Variants in KCNH7 observed in about 807,000 individuals in gnomAD.
KCNH7 encodes the protein potassium voltage-gated channel subfamily H member 7.
KCNH7 carries 49 observed loss-of-function variants against 120.8 expected under a neutral mutation model. The observed-to-expected ratio is 0.41, with a 90% CI of 0.32 to 0.51. KCNH7 has a LOEUF of 0.51. Ranked by LOEUF, KCNH7 falls within the 20% of genes least tolerant of loss-of-function variation. The probability of loss-of-function intolerance (pLI) is 0.38; values close to 1 mark genes in which losing one functional copy is unlikely to be tolerated. For missense variants in KCNH7, 1,097 were observed against 1,446.6 expected, an observed-to-expected ratio of 0.76 and a Z score of 3.92; for synonymous variants, 547 against 516.1, an observed-to-expected ratio of 1.06 and a Z score of -0.81.
At chr2:162,796,384 A>C (rs949301421) in intron 2 of KCNH7, 3 of 152,122 alleles carry the variant, frequency 2.0e-5, no homozygotes, top group African/African-American at 7.2e-5. Context: ...TCCAAGTAAA[A>C]AAAAAACCTG....
intron 2 of KCNH7, among the ~76,000 whole-genome samples, chr2:162,628,083 C>T (rs1172501909): frequency 6.6e-6 from 1 of 152,064 alleles, no homozygotes; most frequent in African/African-American, 2.4e-5. Context: ...AGAATCTTTT[C>T]ATGAGAGTAT....
At chr2:162,457,834 G>A (rs941961357) in intron 6 of KCNH7, among the ~76,000 whole-genome samples, 5 of 151,966 alleles carry the variant, frequency 3.3e-5, no homozygotes, top group African/African-American at 9.7e-5. Context: ...ATATAGCATC[G>A]GGAAGGACTT....
At position 162,777,626 on chromosome 2, in the gene KCNH7, T is replaced by C. The variant is rs138205037; in HGVS notation, c.307+58911A>G. 7.4e-3 allele frequency among the ~76,000 whole-genome samples: 1,122 copies of C among 152,268 alleles called. 22 individuals are homozygous for C. The highest frequency in any genetic ancestry group is 0.026 in the African/African-American group (1,071 of 41,568). On this transcript the variant is annotated intron_variant, in intron 2 of 15. Transcript: ENST00000332142. ...TTTACATATACTCACTGTATTACAG[T>C]ATCTCATTTTATTCTCCTAACAACC... is the stretch of plus-strand genomic sequence containing the variant.
intron 2 of KCNH7, among the ~76,000 whole-genome samples, chr2:162,829,783 A>C (rs888244622): frequency 0.027 from 7 of 264 alleles, no homozygotes; most frequent in Non-Finnish European, 0.026. Context: ...AAGAAAATGA[A>C]AAAAAAAACA....
At chr2:162,710,375 T>A (rs1288611703) in intron 2 of KCNH7, among the ~76,000 whole-genome samples, 2 of 152,190 alleles carry the variant, frequency 1.3e-5, no homozygotes, top group African/African-American at 4.8e-5. Flanking sequence ...CTTCTATTTT[T>A]GTTTCCATTG....
intron 2 of KCNH7, among the ~76,000 whole-genome samples, chr2:162,559,054 C>CAAAAAAAAAAAAAAAAAAAAAA (rs780823559): frequency 2.7e-5 from 1 of 37,178 alleles, no homozygotes. Context: ...GACTCTGCCT[C>CAAAAAAAAAAAAAAAAAAAAAA]AAAAAAAAAA....
chr2:162,797,870 C>T (rs1403753889), intron 2 of KCNH7: 1 of 152,070 alleles, frequency 6.6e-6, no homozygotes, highest in East Asian at 1.9e-4. Context: ...GGCATGAATT[C>T]ATACAAATTA....
intron 2 of KCNH7, among the ~76,000 whole-genome samples, chr2:162,616,115 C>T (rs1209087758): frequency 6.6e-6 from 1 of 152,176 alleles, no homozygotes; most frequent in Non-Finnish European, 1.5e-5. Context: ...TTATGACAGG[C>T]ATGACCCATC....
intron 2 of KCNH7, among the ~76,000 whole-genome samples, chr2:162,816,821 C>T (rs1438992163): frequency 1.3e-5 from 2 of 152,076 alleles, no homozygotes; most frequent in African/African-American, 2.4e-5. Context: ...TCTACTATAT[C>T]AGGATATTTC....
chr2:162,568,291 G>T (rs1472180479), intron 2 of KCNH7, among the ~76,000 whole-genome samples: 1 of 151,988 alleles, frequency 6.6e-6, no homozygotes, highest in Non-Finnish European at 1.5e-5. Flanking sequence ...TTCAAGATGA[G>T]ATTTGGGTAC....
intron 2 of KCNH7, among the ~76,000 whole-genome samples, chr2:162,588,405 T>C (rs1171587914): frequency 6.6e-6 from 1 of 152,140 alleles, no homozygotes; most frequent in Non-Finnish European, 1.5e-5. Context: ...TATTAACTGA[T>C]TAATATATTA....
At chr2:162,565,747 T>C (rs539172223) in intron 2 of KCNH7, among the ~76,000 whole-genome samples, 1 of 152,208 alleles carries the variant, frequency 6.6e-6, no homozygotes, top group East Asian at 1.9e-4. Context: ...ACTTTATTTA[T>C]AAAGTTTCAC....
At chr2:162,820,981 T>A (rs1009054671) in intron 2 of KCNH7, among the ~76,000 whole-genome samples, 1 of 152,200 alleles carries the variant, frequency 6.6e-6, no homozygotes, top group Non-Finnish European at 1.5e-5. Context: ...AGCCCCAGCT[T>A]TTTCAGGGGT....
At chr2:162,433,187 T>C (rs1044108161) in intron 8 of KCNH7, among the ~76,000 whole-genome samples, 16 of 152,018 alleles carry the variant, frequency 1.1e-4, no homozygotes, top group African/African-American at 3.6e-4. Flanking sequence ...GCAATATTGT[T>C]AAAATGTCCA....
chr2:162,516,015 T>C (rs1283367895), intron 4 of KCNH7, among the ~76,000 whole-genome samples: 1 of 151,750 alleles, frequency 6.6e-6, no homozygotes, highest in Non-Finnish European at 1.5e-5. Flanking sequence ...GATAACTCAT[T>C]ATTTTCTGAT....
In KCNH7 at chr2:162,720,002, G is replaced by A. The variant is rs887012468; in HGVS notation, c.307+116535C>T. ...CTCAATCTGAGTTTCTGTTATTTTT[G>A]CAAGTATTGAGACAATGGTCATACA... is the stretch of plus-strand genomic sequence containing the variant. On this transcript the variant is annotated intron_variant, in intron 2 of 15. Coordinates refer to ENST00000332142, the MANE Select transcript of KCNH7 (RefSeq NM_033272.4). Among the ~76,000 whole-genome samples the A allele has an allele frequency of 2.0e-5, 3 of 151,942 alleles. No homozygotes were observed. In the East Asian group the frequency reaches 5.8e-4, roughly 29 times the overall value.
intron 2 of KCNH7, among the ~76,000 whole-genome samples, chr2:162,616,891 AT>A (rs1383664972): frequency 6.6e-6 from 1 of 152,108 alleles, no homozygotes; most frequent in Non-Finnish European, 1.5e-5. Context: ...AGAGAAATTG[AT>A]TTTAAAGAGG....
chr2:162,751,327 T>C (rs2105431317), intron 2 of KCNH7, among the ~76,000 whole-genome samples: 1 of 152,298 alleles, frequency 6.6e-6, no homozygotes, highest in South Asian at 2.1e-4. Context: ...AAAGGGTAAA[T>C]ACAATAAATT....
intron 2 of KCNH7, among the ~76,000 whole-genome samples, chr2:162,599,132 G>A (rs1694470061): frequency 2.0e-5 from 3 of 151,926 alleles, no homozygotes; most frequent in South Asian, 4.1e-4. Flanking sequence ...TTGAACCCAG[G>A]AAGTGGAGGT....
Sources: gnomAD v4.1 joint callset for allele counts (sites outside exome capture counted in the v4.1 genomes callset) on GRCh38, gnomAD v4.1.1 for gene constraint, MANE v1.5 for transcripts, NCBI Gene and HGNC (gene_info 2026-07-23, HGNC 2026-07-21) for gene names.